MALRD1: variants seen among roughly 807,000 people sequenced by gnomAD.
MALRD1 encodes MAM and LDL receptor class A domain containing 1.
In MALRD1, 247 loss-of-function variants were observed where a neutral mutation model predicts 242.1. The observed-to-expected ratio is 1.02, with a 90% CI of 0.92 to 1.13. The LOEUF (loss-of-function observed/expected upper bound fraction) is 1.13. MALRD1 is among the 50% of genes most tolerant of loss of function. The pLI is 0.00. For missense variants in MALRD1, 2,989 were observed against 2,533.1 expected, an observed-to-expected ratio of 1.18 and a Z score of -3.86; for synonymous variants, 995 against 866.6, an observed-to-expected ratio of 1.15 and a Z score of -2.60.
At chr10:19,695,059 C>T (rs547034757) in intron 38 of MALRD1, among the ~76,000 whole-genome samples, 1 of 152,080 alleles carries the variant, frequency 6.6e-6, no homozygotes, top group Non-Finnish European at 1.5e-5. Flanking sequence ...ACATCACACA[C>T]CGGGGCCTGT....
chr10:19,711,674 G>A lies in MALRD1; in HGVS notation c.6315-19032G>A, dbSNP rs1834126435. On this transcript the variant is annotated intron_variant, in intron 38 of 39. Transcript: ENST00000454679. ...CACCCCAAAAAATAGAACAGCCTGT[G>A]TATATGTGTGTGGCACAGACTGTGA... Among the ~76,000 whole-genome samples the A allele has an allele frequency of 3.9e-5, 6 of 152,210 alleles. No individual in the cohort carries two copies. The South Asian group carries it at 1.2e-3, about 32-fold the overall frequency.
intron 24 of MALRD1, among the ~76,000 whole-genome samples, chr10:19,337,699 C>T (rs939282525): frequency 1.3e-5 from 2 of 151,890 alleles, no homozygotes; most frequent in Non-Finnish European, 2.9e-5. Context: ...TGTAGGTTGT[C>T]TTTTTTCATG....
chr10:19,433,534 T>G (rs187179598), intron 28 of MALRD1, among the ~76,000 whole-genome samples: 1 of 152,274 alleles, frequency 6.6e-6, no homozygotes, highest in East Asian at 1.9e-4. Flanking sequence ...TAAGTCAAAT[T>G]TTGGTCAACA....
chr10:19,178,623 C>A (rs1051688272), intron 14 of MALRD1, among the ~76,000 whole-genome samples: 1 of 152,146 alleles, frequency 6.6e-6, no homozygotes, highest in Non-Finnish European at 1.5e-5. Context: ...TTTAATCAAG[C>A]TTCTTCTCCT....
chr10:19,409,935 C>A (rs559956253), intron 28 of MALRD1, among the ~76,000 whole-genome samples: 2 of 151,982 alleles, frequency 1.3e-5, no homozygotes, highest in East Asian at 3.9e-4. Context: ...TCATGGGGTG[C>A]ATAGTGATAT....
intron 38 of MALRD1, among the ~76,000 whole-genome samples, chr10:19,716,338 C>A (rs1214711364): frequency 6.6e-6 from 1 of 151,924 alleles, no homozygotes; most frequent in East Asian, 1.9e-4. Flanking sequence ...TAGCACCATC[C>A]CCCCCAGTGC....
intron 18 of MALRD1, among the ~76,000 whole-genome samples, chr10:19,225,407 G>A (rs144529016): frequency 1.3e-5 from 2 of 152,194 alleles, no homozygotes; most frequent in African/African-American, 4.8e-5. Context: ...TATTGTGTAT[G>A]AGCATATCTT....
chr10:19,711,653 C>A (rs2131874505), intron 38 of MALRD1, among the ~76,000 whole-genome samples: 1 of 152,194 alleles, frequency 6.6e-6, no homozygotes, highest in Admixed American at 6.5e-5. Flanking sequence ...GAAGAGCACC[C>A]CAAAAAATAG....
chr10:19,221,596 T>C (rs1837557654), intron 18 of MALRD1, among the ~76,000 whole-genome samples: 1 of 152,094 alleles, frequency 6.6e-6, no homozygotes, highest in South Asian at 2.1e-4. Flanking sequence ...AACCCATGAC[T>C]AGAGAAGGGA....
intron 18 of MALRD1, among the ~76,000 whole-genome samples, chr10:19,214,193 T>C (rs1837200074): frequency 6.6e-6 from 1 of 152,158 alleles, no homozygotes; most frequent in African/African-American, 2.4e-5. Flanking sequence ...GTCAACATGG[T>C]TTCTGTGGAC....
intron 29 of MALRD1, among the ~76,000 whole-genome samples, chr10:19,453,475 C>G (rs1835438224): frequency 6.6e-6 from 1 of 152,064 alleles, no homozygotes; most frequent in Non-Finnish European, 1.5e-5. Context: ...ATATTAGAAA[C>G]ATTAAATGTT....
At chr10:19,295,396 T>C (rs979333212) in intron 21 of MALRD1, among the ~76,000 whole-genome samples, 2 of 152,020 alleles carry the variant, frequency 1.3e-5, no homozygotes, top group African/African-American at 2.4e-5. Flanking sequence ...CAATTGTATA[T>C]ATATTTTTAT....
chr10:19,657,605 G>A (rs1048814787), intron 36 of MALRD1, among the ~76,000 whole-genome samples: 1 of 152,016 alleles, frequency 6.6e-6, no homozygotes, highest in Non-Finnish European at 1.5e-5. Flanking sequence ...TGGGACACAT[G>A]AAATATTTTG....
intron 28 of MALRD1, among the ~76,000 whole-genome samples, chr10:19,398,687 C>T (rs1009753669): frequency 6.6e-6 from 1 of 152,080 alleles, no homozygotes; most frequent in African/African-American, 2.4e-5. Context: ...TATAAGGAGG[C>T]TGAAGAATTT....
At chr10:19,200,243 T>C (rs1230620933) in intron 14 of MALRD1, among the ~76,000 whole-genome samples, 2 of 152,254 alleles carry the variant, frequency 1.3e-5, no homozygotes, top group Non-Finnish European at 2.9e-5. Flanking sequence ...ATGTTCTTTC[T>C]GGTTCATGTC....
At chr10:19,074,508 G>A (rs1251290451) in intron 2 of MALRD1, among the ~76,000 whole-genome samples, 3 of 152,104 alleles carry the variant, frequency 2.0e-5, no homozygotes, top group South Asian at 2.1e-4. Context: ...GACATCTTTT[G>A]TGTATTGGAT....
At chr10:19,686,212 G>C (rs772264902) in intron 36 of MALRD1, among the ~76,000 whole-genome samples, 10 of 152,150 alleles carry the variant, frequency 6.6e-5, no homozygotes, top group Non-Finnish European at 1.2e-4. Context: ...GGCCAAGAGG[G>C]AAACTTGAGC....
At chr10:19,339,523 T>G (rs1036875141) in intron 24 of MALRD1, among the ~76,000 whole-genome samples, 5 of 152,156 alleles carry the variant, frequency 3.3e-5, no homozygotes, top group Admixed American at 2.6e-4. Context: ...ATCTCAAAAT[T>G]TTCAGTCTCC....
chr10:19,470,986 A>ACCC (rs1465959828), intron 29 of MALRD1, among the ~76,000 whole-genome samples: 20 of 151,868 alleles, frequency 1.3e-4, no homozygotes, highest in African/African-American at 4.6e-4. Context: ...GCCTTACGTT[A>ACCC]GGGGTTGACA....
Sources: gnomAD v4.1 joint callset for allele counts (sites outside exome capture counted in the v4.1 genomes callset) on GRCh38, gnomAD v4.1.1 for gene constraint, MANE v1.5 for transcripts, NCBI Gene and HGNC (gene_info 2026-07-23, HGNC 2026-07-21) for gene names.